The following SOX5 variants were observed in gnomAD, a reference collection of about 807,000 sequenced individuals.
The protein encoded by SOX5 is SRY-box transcription factor 5, also known as transcription factor SOX-5.
A neutral mutation model predicts 92.0 loss-of-function variants in SOX5; 9 were observed. The ratio of observed to expected loss-of-function variants is 0.10; its 90% confidence interval spans 0.06 to 0.17. The LOEUF (loss-of-function observed/expected upper bound fraction) is 0.17, where lower values mean the gene tolerates loss of function less well. SOX5 is among the 10% of genes least tolerant of loss of function. SOX5 has a pLI of 1.00. For synonymous variants in SOX5, 344 were observed against 336.3 expected (o/e 1.02, Z -0.25); for missense variants, 642 against 944.5 (o/e 0.68, Z 4.20).
chr12:24,141,011 A>C (rs1190697330), intron 4 of SOX5, among the ~76,000 whole-genome samples: 2 of 151,902 alleles, frequency 1.3e-5, no homozygotes, highest in African/African-American at 4.8e-5. Context: ...TACTTCTAAG[A>C]AAAGGACAGA....
chr12:24,261,406 G>T (rs960216842), intron 3 of SOX5, among the ~76,000 whole-genome samples: 2 of 152,010 alleles, frequency 1.3e-5, no homozygotes, highest in African/African-American at 2.4e-5. Context: ...ACCCACTCTC[G>T]TTAAAAGCAT....
rs370215459 is a variant in SOX5 at position 24,050,606 on chromosome 12, A to G, written c.-1-154582T>C. 5.3e-5 allele frequency among the ~76,000 whole-genome samples: 8 copies of G among 152,324 alleles called. No homozygotes were observed. In the East Asian group the frequency reaches 1.2e-3, roughly 22 times the overall value. On this transcript the variant is annotated intron_variant, in intron 4 of 4. Coordinates refer to the SOX5 transcript ENST00000446891. ...TCATCCTTTTAAACAATTTTGACAG[A>G]AAATAGGTAACTATCCCAAAAGAGG...
chr12:24,235,800 T>C (rs1165391873), intron 3 of SOX5, among the ~76,000 whole-genome samples: 1 of 152,226 alleles, frequency 6.6e-6, no homozygotes, highest in African/African-American at 2.4e-5. Flanking sequence ...TTTTTTTAAA[T>C]AAAGCTACTT....
intron 1 of SOX5, among the ~76,000 whole-genome samples, chr12:23,903,765 G>C (rs943918798): frequency 5.3e-5 from 8 of 152,096 alleles, no homozygotes; most frequent in Non-Finnish European, 1.2e-4. Context: ...ACATTTACTT[G>C]TCTGGTTCCT....
intron 1 of SOX5, among the ~76,000 whole-genome samples, chr12:23,906,971 T>G (rs2097300583): frequency 6.6e-6 from 1 of 152,176 alleles, no homozygotes; most frequent in African/African-American, 2.4e-5. Flanking sequence ...GTGAAATGCT[T>G]ACCCATTCTC....
chr12:23,647,879 T>C (rs1392446274), intron 7 of SOX5, among the ~76,000 whole-genome samples: 2 of 152,248 alleles, frequency 1.3e-5, no homozygotes, highest in African/African-American at 2.4e-5. Context: ...ACAATAAGGC[T>C]GTTTCACTTT....
At chr12:24,064,284 C>T (rs1477460269) in intron 4 of SOX5, among the ~76,000 whole-genome samples, 2 of 152,174 alleles carry the variant, frequency 1.3e-5, no homozygotes, top group Admixed American at 6.5e-5. Context: ...AATGCAGGCT[C>T]TCAAAACTCA....
chr12:24,080,846 C>T (rs1943240730), intron 4 of SOX5, among the ~76,000 whole-genome samples: 1 of 151,826 alleles, frequency 6.6e-6, no homozygotes, highest in South Asian at 2.1e-4. Flanking sequence ...ATTGTAGCTA[C>T]TGTATGATTT....
intron 4 of SOX5, among the ~76,000 whole-genome samples, chr12:24,184,923 T>TA (rs945769079): frequency 1.5e-4 from 23 of 151,998 alleles, no homozygotes; most frequent in East Asian, 5.8e-4. Flanking sequence ...CTGGAAATCT[T>TA]AAAAAAAATC....
intron 1 of SOX5, among the ~76,000 whole-genome samples, chr12:23,906,070 TA>T (rs1380134929): frequency 6.6e-6 from 1 of 152,158 alleles, no homozygotes; most frequent in Non-Finnish European, 1.5e-5. Flanking sequence ...AAGTTATAGA[TA>T]AAATGACCAA....
intron 1 of SOX5, among the ~76,000 whole-genome samples, chr12:24,437,861 G>A (rs534868879): frequency 2.6e-4 from 39 of 152,192 alleles, no homozygotes; most frequent in African/African-American, 8.7e-4. Context: ...AACCATTGTG[G>A]AAGACAGTGT....
Position 23,545,427 on chromosome 12 carries a change from A to AAATC in SOX5, c.1597+885_1597+888dup, listed in dbSNP as rs1942936024. Among the ~76,000 whole-genome samples, 7 of 152,310 alleles carry AAATC rather than the reference A, an allele frequency of 4.6e-5. No homozygotes were observed. In the South Asian group the frequency reaches 1.5e-3, roughly 32 times the overall value. ...TTTTCCCTCTTTGCTACGCTATTAAAAATCAGAGTATCAATTTAATTTCTT... is the reference window on the plus strand; with the variant it reads ...TTTTCCCTCTTTGCTACGCTATTAAAAATCAATCAGAGTATCAATTTAATTTCTT... On this transcript the variant is annotated intron_variant, in intron 12 of 14. Transcript: ENST00000451604.
chr12:23,778,068 A>G (rs938710379), intron 3 of SOX5, among the ~76,000 whole-genome samples: 2 of 152,256 alleles, frequency 1.3e-5, no homozygotes, highest in East Asian at 3.8e-4. Flanking sequence ...TCAAATGACA[A>G]GGGCATGATA....
At chr12:23,853,923 AT>A (rs1191624056) in intron 2 of SOX5, among the ~76,000 whole-genome samples, 1 of 152,110 alleles carries the variant, frequency 6.6e-6, no homozygotes, top group Admixed American at 6.6e-5. Context: ...AAATCAAAAC[AT>A]TTTCCTTTTA....
At chr12:23,643,625 A>G (rs1315313184) in intron 7 of SOX5, among the ~76,000 whole-genome samples, 2 of 152,234 alleles carry the variant, frequency 1.3e-5, no homozygotes, top group Non-Finnish European at 2.9e-5. Flanking sequence ...GCAGATAGGT[A>G]ACTAGCAGAA....
At chr12:24,120,175 T>A (rs1450999334) in intron 4 of SOX5, among the ~76,000 whole-genome samples, 1 of 152,210 alleles carries the variant, frequency 6.6e-6, no homozygotes, top group Non-Finnish European at 1.5e-5. Flanking sequence ...TTCTGTTGGA[T>A]ATACACTCAG....
At chr12:24,528,515 AC>A (rs1363814699) in intron 1 of SOX5, among the ~76,000 whole-genome samples, 4 of 152,344 alleles carry the variant, frequency 2.6e-5, no homozygotes, top group Admixed American at 2.0e-4. Flanking sequence ...GAAAAAGAAA[AC>A]AGAAGGAAAA....
intron 2 of SOX5, among the ~76,000 whole-genome samples, chr12:24,348,049 C>CAAAAAAAAAAAAAAAAAAAAAAAAAAA: frequency 1.4e-5 from 1 of 72,722 alleles, no homozygotes; most frequent in South Asian, 4.6e-4. Flanking sequence ...TACAGCTAAT[C>CAAAAAAAAAAAAAAAAAAAAAAAAAAA]AAAAAAAAAA....
intron 4 of SOX5, among the ~76,000 whole-genome samples, chr12:23,965,819 A>G (rs1296269359): frequency 6.6e-6 from 1 of 151,956 alleles, no homozygotes; most frequent in Admixed American, 6.6e-5. Flanking sequence ...GCGTTTCACT[A>G]TGTTGGCCAG....
Sources: allele counts gnomAD v4.1 joint callset (sites outside exome capture counted in the v4.1 genomes callset), GRCh38; gene constraint gnomAD v4.1.1; transcripts MANE v1.5; gene names NCBI Gene and HGNC (gene_info 2026-07-23, HGNC 2026-07-21).